Variants in BNC2 observed in about 807,000 individuals in gnomAD.
The protein encoded by BNC2 is basonuclin zinc finger protein 2.
BNC2 carries 20 observed loss-of-function variants against 76.3 expected under a neutral mutation model. The observed-to-expected ratio is 0.26, with a 90% CI of 0.18 to 0.38. The LOEUF is 0.38. Ranked by LOEUF, BNC2 falls within the 10% of genes least tolerant of loss-of-function variation. The pLI is 1.00. For missense variants in BNC2, 1,382 were observed against 1,399.8 expected, an observed-to-expected ratio of 0.99 and a Z score of 0.20; for synonymous variants, 582 against 514.8, an observed-to-expected ratio of 1.13 and a Z score of -1.77.
chr9:16,479,406 A>G (rs1189206129), intron 5 of BNC2, among the ~76,000 whole-genome samples: 1 of 152,204 alleles, frequency 6.6e-6, no homozygotes, highest in African/African-American at 2.4e-5. Context: ...GCCAAAGAAT[A>G]CAGCACCTAG....
intron 1 of BNC2, among the ~76,000 whole-genome samples, chr9:16,759,688 A>G (rs996175635): frequency 6.6e-6 from 1 of 151,878 alleles, no homozygotes; most frequent in Non-Finnish European, 1.5e-5. Context: ...AGTCACATAA[A>G]TATCATAGAA....
Position 16,688,386 on chromosome 9 carries a change from A to G in BNC2, c.330+39411T>C, listed in dbSNP as rs560304577. On this transcript the variant is annotated intron_variant, in intron 3 of 6. Transcript: ENST00000380672. ...GCAATCAAAAAATGATTGAAGAAAAATCAGATATCAATTGTCTAACCCCTT... is the reference window on the plus strand; with the variant it reads ...GCAATCAAAAAATGATTGAAGAAAAGTCAGATATCAATTGTCTAACCCCTT... Among the ~76,000 whole-genome samples the G allele has an allele frequency of 3.3e-5, 5 of 152,340 alleles. No individual in the cohort carries two copies. The South Asian group carries it at 8.3e-4, about 25-fold the overall frequency.
At chr9:16,663,870 T>A (rs913678695) in intron 3 of BNC2, among the ~76,000 whole-genome samples, 1 of 152,210 alleles carries the variant, frequency 6.6e-6, no homozygotes, top group African/African-American at 2.4e-5. Context: ...AATTTCCTCA[T>A]TGAATAAATG....
chr9:16,773,621 G>A (rs1206561231), intron 1 of BNC2, among the ~76,000 whole-genome samples: 1 of 152,002 alleles, frequency 6.6e-6, no homozygotes, highest in African/African-American at 2.4e-5. Flanking sequence ...CAGCCGCTGA[G>A]ATAAAGGGGC....
intron 2 of BNC2, among the ~76,000 whole-genome samples, chr9:16,729,890 C>G (rs1354868823): frequency 6.6e-6 from 1 of 152,096 alleles, no homozygotes; most frequent in Admixed American, 6.5e-5. Context: ...GGCTTAAGGA[C>G]ACTGTCAATA....
At chr9:16,857,899 T>C (rs1445376976) in intron 1 of BNC2, among the ~76,000 whole-genome samples, 1 of 152,232 alleles carries the variant, frequency 6.6e-6, no homozygotes, top group Admixed American at 6.5e-5. Flanking sequence ...TGAAGCAATA[T>C]AGCTGCCTCT....
intron 5 of BNC2, among the ~76,000 whole-genome samples, chr9:16,468,282 A>T (rs746087342): frequency 6.6e-6 from 1 of 151,900 alleles, no homozygotes; most frequent in Non-Finnish European, 1.5e-5. Flanking sequence ...CCCAAGACAC[A>T]CTTAGAGACT....
At chr9:16,692,539 A>C (rs1244764163) in intron 3 of BNC2, among the ~76,000 whole-genome samples, 1 of 152,162 alleles carries the variant, frequency 6.6e-6, no homozygotes, top group African/African-American at 2.4e-5. Context: ...GGTACACAGT[A>C]TATCTGTAAA....
chr9:16,853,783 GC>G (rs1444427726), intron 1 of BNC2, among the ~76,000 whole-genome samples: 1 of 152,074 alleles, frequency 6.6e-6, no homozygotes, highest in East Asian at 1.9e-4. Context: ...CAGGAGAACT[GC>G]TTGAACCTGG....
chr9:16,618,248 G>GA (rs909105381), intron 3 of BNC2, among the ~76,000 whole-genome samples: 14 of 151,878 alleles, frequency 9.2e-5, no homozygotes, highest in African/African-American at 2.9e-4. Context: ...GGTTATCCCT[G>GA]AAAAAAAATG....
chr9:16,440,128 T>C (rs558049440), intron 5 of BNC2, among the ~76,000 whole-genome samples: 2 of 152,314 alleles, frequency 1.3e-5, no homozygotes, highest in South Asian at 2.1e-4. Flanking sequence ...TTCACCCCTA[T>C]CGTAACTTCC....
chr9:16,670,484 TAAG>T (rs1446365202), intron 3 of BNC2, among the ~76,000 whole-genome samples: 1 of 152,090 alleles, frequency 6.6e-6, no homozygotes, highest in Non-Finnish European at 1.5e-5. Context: ...CCAGCCAATT[TAAG>T]AAGAATATTA....
chr9:16,474,132 A>T (rs1475440668), intron 5 of BNC2, among the ~76,000 whole-genome samples: 1 of 152,210 alleles, frequency 6.6e-6, no homozygotes, highest in South Asian at 2.1e-4. Flanking sequence ...TGTAATTTTT[A>T]ACTGCACTAA....
At chr9:16,832,134 T>G (rs1252538779) in intron 1 of BNC2, 7 of 308,844 alleles carry the variant, frequency 2.3e-5, no homozygotes. Context: ...GCTTCCTGGA[T>G]GTAGGATATT....
intron 3 of BNC2, among the ~76,000 whole-genome samples, chr9:16,660,682 T>C (rs1314701186): frequency 2.0e-5 from 3 of 152,060 alleles, no homozygotes; most frequent in Admixed American, 6.5e-5. Flanking sequence ...TGCTATACAA[T>C]AGGCCCTCTG....
chr9:16,531,728 A>G (rs1483191535), intron 5 of BNC2, among the ~76,000 whole-genome samples: 2 of 152,162 alleles, frequency 1.3e-5, no homozygotes, highest in Admixed American at 6.6e-5. Flanking sequence ...AATATGTCAA[A>G]TTTTTCTTCT....
At chr9:16,862,920 T>A (rs1180136207) in intron 1 of BNC2, among the ~76,000 whole-genome samples, 1 of 151,196 alleles carries the variant, frequency 6.6e-6, no homozygotes, top group East Asian at 1.9e-4. Context: ...GATAGATTTT[T>A]TTTTTTTTTT....
chr9:16,415,385 C>T lies in BNC2; in HGVS notation c.*3604G>A, dbSNP rs1427387795. The T allele has an allele frequency of 6.6e-6, 1 of 152,632 alleles. No individual in the cohort carries two copies. Among genetic ancestry groups the T allele is most frequent in the Non-Finnish European group, 1.5e-5 (1 of 68,038 alleles). 9.5% of individuals were successfully genotyped at this position (152,632 alleles called of 1,614,324 possible). A position where few individuals can be genotyped will look rare whatever the true frequency, so the allele number is the denominator to read the frequency against. On this transcript the variant is annotated 3_prime_UTR_variant, in exon 7 of 7. Coordinates refer to ENST00000380672, the MANE Select transcript of BNC2 (RefSeq NM_017637.6). Reference sequence around the variant, plus strand: ...ACAAGTTTCAACATCAGCTAGAGAACATGCACAGTCATACCGCCTAATTTT... The same window carrying T: ...ACAAGTTTCAACATCAGCTAGAGAATATGCACAGTCATACCGCCTAATTTT...
At chr9:16,473,608 C>T (rs1197888564) in intron 5 of BNC2, among the ~76,000 whole-genome samples, 1 of 152,152 alleles carries the variant, frequency 6.6e-6, no homozygotes, top group East Asian at 1.9e-4. Context: ...GGCGTGGTGG[C>T]TCATGCGTAA....
Sources: gnomAD v4.1 joint callset for allele counts (sites outside exome capture counted in the v4.1 genomes callset) on GRCh38, gnomAD v4.1.1 for gene constraint, MANE v1.5 for transcripts, NCBI Gene and HGNC (gene_info 2026-07-23, HGNC 2026-07-21) for gene names.